The following SMYD3 variants were observed in gnomAD, a reference collection of about 807,000 sequenced individuals.
SMYD3 encodes SET and MYND domain containing 3, also known as histone-lysine N-methyltransferase SMYD3.
SMYD3 carries 36 observed loss-of-function variants against 57.7 expected under a neutral mutation model. The ratio of observed to expected loss-of-function variants is 0.62; its 90% CI spans 0.48 to 0.82. SMYD3 has a LOEUF of 0.82. Among genes scored for constraint, SMYD3 ranks in the 40% least tolerant of loss-of-function variants. SMYD3 has a pLI of 0.00. For synonymous variants in SMYD3, 211 were observed against 195.0 expected, an observed-to-expected ratio of 1.08 and a Z score of -0.68; for missense variants, 515 against 538.8, an observed-to-expected ratio of 0.96 and a Z score of 0.44.
chr1:246,404,261 C>T (rs1176549710), intron 1 of SMYD3, among the ~76,000 whole-genome samples: 1 of 152,208 alleles, frequency 6.6e-6, no homozygotes, highest in African/African-American at 2.4e-5. Context: ...GAGGCCTTGG[C>T]TCAAGATCCC....
At chr1:245,885,766 A>G (rs115448531) in intron 8 of SMYD3, among the ~76,000 whole-genome samples, 1 of 152,316 alleles carries the variant, frequency 6.6e-6, no homozygotes, top group African/African-American at 2.4e-5. Context: ...CTAAAAGACA[A>G]TTACATAAAA....
intron 5 of SMYD3, among the ~76,000 whole-genome samples, chr1:246,132,406 C>T (rs2061602388): frequency 6.6e-6 from 1 of 152,092 alleles, no homozygotes; most frequent in Non-Finnish European, 1.5e-5. Flanking sequence ...GAGGAAAGGA[C>T]AGTCTTTTTG....
chr1:246,166,783 T>C (rs1320808755), intron 5 of SMYD3, among the ~76,000 whole-genome samples: 2 of 152,208 alleles, frequency 1.3e-5, no homozygotes, highest in Non-Finnish European at 2.9e-5. Flanking sequence ...TCATTATTGT[T>C]TTTTCTTGAG....
At chr1:246,270,007 A>G (rs1273287991) in intron 5 of SMYD3, among the ~76,000 whole-genome samples, 1 of 152,182 alleles carries the variant, frequency 6.6e-6, no homozygotes, top group East Asian at 1.9e-4. Context: ...GTTAATTTGA[A>G]CAGATTGTCT....
intron 1 of SMYD3, among the ~76,000 whole-genome samples, chr1:246,378,672 T>C (rs1164056530): frequency 4.8e-5 from 6 of 124,308 alleles, no homozygotes; most frequent in African/African-American, 9.7e-5. Flanking sequence ...CACATATATA[T>C]ATACACATAT....
chr1:246,335,867 G>A lies in SMYD3; in HGVS notation c.229-393C>T, dbSNP rs533651302. ...GTCACTCCAAATTAGAAAATAAAAC[G>A]TGGTTCAGAAGACTCAAAATAGGGA... On this transcript the variant is annotated intron_variant, in intron 2 of 11. Coordinates refer to ENST00000490107, the MANE Select transcript of SMYD3 (RefSeq NM_001167740.2). 3.3e-5 allele frequency among the ~76,000 whole-genome samples: 5 copies of A among 152,238 alleles called. No individual in the cohort carries two copies. In the South Asian group the frequency reaches 6.2e-4, roughly 19 times the overall value.
intron 10 of SMYD3, among the ~76,000 whole-genome samples, chr1:245,835,427 G>C (rs1357958203): frequency 6.6e-6 from 1 of 152,106 alleles, no homozygotes; most frequent in Non-Finnish European, 1.5e-5. Flanking sequence ...CCCTGAGGCA[G>C]GTTTCTTAAT....
chr1:246,031,122 T>C (rs1051096918), intron 5 of SMYD3, among the ~76,000 whole-genome samples: 1 of 152,156 alleles, frequency 6.6e-6, no homozygotes, highest in Non-Finnish European at 1.5e-5. Flanking sequence ...GTGAGGGCTA[T>C]AGACTAGACC....
intron 10 of SMYD3, among the ~76,000 whole-genome samples, chr1:245,787,610 T>C (rs1198647622): frequency 6.7e-6 from 1 of 148,944 alleles, no homozygotes; most frequent in Non-Finnish European, 1.5e-5. Flanking sequence ...TAGAAAAGTC[T>C]GATCCCATCA....
At chr1:245,912,396 T>C (rs1361158595) in intron 8 of SMYD3, among the ~76,000 whole-genome samples, 1 of 152,134 alleles carries the variant, frequency 6.6e-6, no homozygotes, top group African/African-American at 2.4e-5. Context: ...TGCTCATTAA[T>C]TGGAAGAATT....
At chr1:246,331,366 A>G (rs2065459243) in intron 3 of SMYD3, among the ~76,000 whole-genome samples, 1 of 152,232 alleles carries the variant, frequency 6.6e-6, no homozygotes, top group African/African-American at 2.4e-5. Context: ...TCTTCCTTGA[A>G]GAGGAAAGTA....
chr1:245,901,575 T>C (rs983001903), intron 8 of SMYD3, among the ~76,000 whole-genome samples: 2 of 152,160 alleles, frequency 1.3e-5, no homozygotes, highest in African/African-American at 4.8e-5. Context: ...AAAAGCCTTA[T>C]GGAGCAAATG....
intron 5 of SMYD3, among the ~76,000 whole-genome samples, chr1:246,205,751 C>CG (rs138891642): frequency 0.13 from 19,914 of 151,894 alleles, 3,444 homozygotes; most frequent in African/African-American, 0.39. Context: ...ACCCAGGAGG[C>CG]GAGGTTGCAT....
chr1:245,824,872 A>G (rs896707503), intron 10 of SMYD3, among the ~76,000 whole-genome samples: 1 of 150,164 alleles, frequency 6.7e-6, no homozygotes, highest in Non-Finnish European at 1.5e-5. Context: ...AAAAAAAACA[A>G]AAAAAAAAAT....
In SMYD3 at chr1:245,803,917, T is replaced by C. The variant is rs900148108; in HGVS notation, c.1077-39768A>G. The stretch of plus-strand genomic sequence containing the variant: ...TTTCCAGTTACGTAAGTCAGTATTT[T>C]TTTTTTTTTTTTTTGAGACAGAGTC... On this transcript the variant is annotated intron_variant, in intron 10 of 11. Coordinates refer to ENST00000490107, the MANE Select transcript of SMYD3 (RefSeq NM_001167740.2). 6.2e-4 allele frequency among the ~76,000 whole-genome samples: 93 copies of C among 150,610 alleles called. 3 individuals are homozygous for C. The South Asian group carries it at 9.4e-3, about 15-fold the overall frequency.
rs1553337078 is a variant in SMYD3 at position 245,833,073 on chromosome 1, A to ACACACAAC, written c.1076+25422_1076+25423insGTTGTGTG. Among the ~76,000 whole-genome samples the ACACACAAC allele has an allele frequency of 5.4e-5, 7 of 128,666 alleles. No homozygotes were observed. The East Asian group carries it at 2.4e-3, about 43-fold the overall frequency. The allele number at this position is 128,666 out of a possible 152,430, so 84.4% of individuals were successfully genotyped here. A position where few individuals can be genotyped will look rare whatever the true frequency, so the allele number is the denominator to read the frequency against. On this transcript the variant is annotated intron_variant, in intron 10 of 11. Coordinates refer to ENST00000490107, the MANE Select transcript of SMYD3 (RefSeq NM_001167740.2). The stretch of plus-strand genomic sequence containing the variant: ...GGAATATGTGACAAAAAAAAAAAAA[A>ACACACAAC]AACCTGCTTTTATAATGCTGATTCA...
At chr1:246,209,988 C>T (rs945370677) in intron 5 of SMYD3, among the ~76,000 whole-genome samples, 3 of 152,168 alleles carry the variant, frequency 2.0e-5, no homozygotes, top group Non-Finnish European at 4.4e-5. Context: ...CAAATCTTCA[C>T]TAATTCTTCG....
intron 5 of SMYD3, among the ~76,000 whole-genome samples, chr1:246,271,048 T>G (rs1479507391): frequency 6.6e-6 from 1 of 152,244 alleles, no homozygotes. Context: ...AGTTTTGATT[T>G]GCATTTCCGT....
intron 5 of SMYD3, among the ~76,000 whole-genome samples, chr1:246,099,962 A>C (rs893911720): frequency 6.6e-6 from 1 of 152,210 alleles, no homozygotes; most frequent in Non-Finnish European, 1.5e-5. Context: ...GCGATTTAAA[A>C]TCATAATAAA....
Sources: gnomAD v4.1 joint callset for allele counts (sites outside exome capture counted in the v4.1 genomes callset) on GRCh38, gnomAD v4.1.1 for gene constraint, MANE v1.5 for transcripts, NCBI Gene and HGNC (gene_info 2026-07-23, HGNC 2026-07-21) for gene names.